Variants in RALYL observed in about 807,000 individuals in gnomAD.
RALYL encodes RALY RNA binding protein like, also known as RNA-binding Raly-like protein.
In RALYL, 29 loss-of-function variants were observed where a neutral mutation model predicts 35.1. That is an observed-to-expected ratio of 0.83 (90% CI 0.61 to 1.13). The LOEUF (loss-of-function observed/expected upper bound fraction) is 1.13. Among genes scored for constraint, RALYL ranks in the 50% most tolerant of loss-of-function variants. The pLI is 0.00. For missense variants in RALYL, 359 were observed against 360.4 expected (o/e 1.00, Z 0.03); for synonymous variants, 120 against 127.6 (o/e 0.94, Z 0.40).
At chr8:84,682,986 T>C (rs1295324525) in intron 2 of RALYL, among the ~76,000 whole-genome samples, 1 of 152,226 alleles carries the variant, frequency 6.6e-6, no homozygotes, top group Non-Finnish European at 1.5e-5. Flanking sequence ...TTTAGTGCTA[T>C]AAATTTCCCT....
intron 1 of RALYL, among the ~76,000 whole-genome samples, chr8:84,440,761 T>C (rs1272458526): frequency 1.3e-5 from 2 of 152,042 alleles, no homozygotes; most frequent in African/African-American, 4.8e-5. Context: ...CATTCCTGTT[T>C]GAGGGATATT....
At chr8:84,812,091 A>G (rs1050592325) in intron 4 of RALYL, among the ~76,000 whole-genome samples, 2 of 152,076 alleles carry the variant, frequency 1.3e-5, no homozygotes, top group Admixed American at 1.3e-4. Context: ...TCATATTACC[A>G]GAGTTGGTTT....
intron 2 of RALYL, among the ~76,000 whole-genome samples, chr8:84,621,256 G>T (rs1298818921): frequency 1.3e-5 from 2 of 152,190 alleles, no homozygotes; most frequent in Non-Finnish European, 2.9e-5. Context: ...CGTGGGCGTG[G>T]GCGTAGGACT....
intron 1 of RALYL, among the ~76,000 whole-genome samples, chr8:84,303,169 A>G (rs1841145622): frequency 6.6e-6 from 1 of 152,168 alleles, no homozygotes; most frequent in South Asian, 2.1e-4. Flanking sequence ...GTTAGTGTTT[A>G]TGTCTTTGTA....
chr8:84,480,771 C>G (rs186826809), intron 1 of RALYL, among the ~76,000 whole-genome samples: 46 of 152,178 alleles, frequency 3.0e-4, no homozygotes, highest in Non-Finnish European at 5.9e-4. Flanking sequence ...TATATCTGTA[C>G]AGATTTCTCA....
At chr8:84,392,672 G>A (rs902440925) in intron 1 of RALYL, among the ~76,000 whole-genome samples, 1 of 151,950 alleles carries the variant, frequency 6.6e-6, no homozygotes, top group African/African-American at 2.4e-5. Context: ...TGTCTATCTC[G>A]ACTGTGATAG....
chr8:84,412,971 G>T (rs543310855), intron 1 of RALYL, among the ~76,000 whole-genome samples: 82 of 151,666 alleles, frequency 5.4e-4, no homozygotes, highest in Admixed American at 8.5e-4. Context: ...TAAAAGGAAA[G>T]GTAAGAGGAG....
chr8:84,581,590 A>G (rs963589388), intron 2 of RALYL, among the ~76,000 whole-genome samples: 1 of 152,230 alleles, frequency 6.6e-6, no homozygotes, highest in Non-Finnish European at 1.5e-5. Flanking sequence ...AGCTATTATT[A>G]TAATGATAAG....
chr8:84,239,770 A>C (rs148371610), intron 1 of RALYL, among the ~76,000 whole-genome samples: 10 of 152,234 alleles, frequency 6.6e-5, no homozygotes, highest in African/African-American at 1.9e-4. Flanking sequence ...GTGTGCCTGT[A>C]ATCTCAGCTA....
intron 1 of RALYL, among the ~76,000 whole-genome samples, chr8:84,249,525 A>G (rs1256350791): frequency 2.6e-5 from 4 of 152,146 alleles, no homozygotes; most frequent in Non-Finnish European, 5.9e-5. Context: ...GATTCTTTTA[A>G]CTTTATTTTT....
chr8:84,514,862 T>C (rs926293853), intron 1 of RALYL, among the ~76,000 whole-genome samples: 14 of 152,098 alleles, frequency 9.2e-5, no homozygotes, highest in African/African-American at 3.4e-4. Context: ...TTATTAAAGA[T>C]GAGAAAGTCC....
chr8:84,367,414 T>C, intron 1 of RALYL, among the ~76,000 whole-genome samples: 1 of 139,504 alleles, frequency 7.2e-6, no homozygotes, highest in African/African-American at 2.6e-5. Flanking sequence ...GGTTTCAAAC[T>C]CTTGACCTCA....
At chr8:84,353,659 T>A (rs1016843352) in intron 1 of RALYL, among the ~76,000 whole-genome samples, 1 of 150,272 alleles carries the variant, frequency 6.7e-6, no homozygotes, top group Admixed American at 6.6e-5. Flanking sequence ...TGTTACAAGG[T>A]GCAAGACTTA....
chr8:84,708,173 T>C (rs1052656385), intron 2 of RALYL, among the ~76,000 whole-genome samples: 2 of 152,050 alleles, frequency 1.3e-5, no homozygotes, highest in African/African-American at 2.4e-5. Context: ...ACAAAAGGAA[T>C]AGTAAAGGTG....
At chr8:84,363,317 C>G (rs893701992) in intron 1 of RALYL, among the ~76,000 whole-genome samples, 3 of 152,102 alleles carry the variant, frequency 2.0e-5, no homozygotes, top group Non-Finnish European at 4.4e-5. Context: ...AGGCACATGA[C>G]CCAGGACTCA....
At chr8:84,535,348 T>C (rs2059526043) in intron 2 of RALYL, among the ~76,000 whole-genome samples, 1 of 152,088 alleles carries the variant, frequency 6.6e-6, no homozygotes, top group Non-Finnish European at 1.5e-5. Context: ...CAAACAGTAA[T>C]ACTTTTGAGA....
intron 2 of RALYL, among the ~76,000 whole-genome samples, chr8:84,647,529 G>T (rs1050273800): frequency 1.3e-5 from 2 of 152,076 alleles, no homozygotes; most frequent in East Asian, 1.9e-4. Context: ...TTCATAAAGA[G>T]ATTTTATTAA....
intron 1 of RALYL, among the ~76,000 whole-genome samples, chr8:84,494,450 G>A (rs1239011834): frequency 6.6e-6 from 1 of 152,056 alleles, no homozygotes; most frequent in Non-Finnish European, 1.5e-5. Flanking sequence ...AATGTTCATG[G>A]TAGTTTGATG....
intron 2 of RALYL, among the ~76,000 whole-genome samples, chr8:84,601,373 G>A (rs1249366120): frequency 6.6e-6 from 1 of 152,092 alleles, no homozygotes; most frequent in African/African-American, 2.4e-5. Flanking sequence ...CAGAGAAAGA[G>A]AAAATCAAAA....
Sources: gnomAD v4.1 joint callset for allele counts (sites outside exome capture counted in the v4.1 genomes callset) on GRCh38, gnomAD v4.1.1 for gene constraint, MANE v1.5 for transcripts, NCBI Gene and HGNC (gene_info 2026-07-23, HGNC 2026-07-21) for gene names.